Variants in COBLL1 observed in about 807,000 individuals in gnomAD.
COBLL1 encodes the protein cordon-bleu protein-like 1.
Under a neutral mutation model 94.8 loss-of-function variants are expected in COBLL1, and 50 were observed. The observed-to-expected ratio is 0.53, with a 90% confidence interval of 0.42 to 0.67. COBLL1 has a LOEUF of 0.67. Among genes scored for constraint, COBLL1 ranks in the 30% least tolerant of loss-of-function variants. The probability of loss-of-function intolerance (pLI) is 0.00; values close to 1 mark genes in which losing one functional copy is unlikely to be tolerated. For synonymous variants in COBLL1, 448 were observed against 473.8 expected, an observed-to-expected ratio of 0.95 and a Z score of 0.71; for missense variants, 1,362 against 1,348.7, an observed-to-expected ratio of 1.01 and a Z score of -0.15.
chr2:164,794,654 A>AGT (rs1026997490), intron 2 of COBLL1, among the ~76,000 whole-genome samples: 1 of 152,158 alleles, frequency 6.6e-6, no homozygotes, highest in Non-Finnish European at 1.5e-5. Flanking sequence ...TGAACAAGGC[A>AGT]GTGACAGGGA....
chr2:164,717,629 T>C (rs187094143), intron 7 of COBLL1, among the ~76,000 whole-genome samples: 37 of 152,280 alleles, frequency 2.4e-4, no homozygotes, highest in African/African-American at 8.9e-4. Flanking sequence ...TCACAGCTCA[T>C]TGCAGCTTTG....
chr2:164,732,790 T>C (rs548986656), intron 3 of COBLL1, among the ~76,000 whole-genome samples: 1 of 152,338 alleles, frequency 6.6e-6, no homozygotes, highest in South Asian at 2.1e-4. Flanking sequence ...GTGCGGTGGC[T>C]CACGCCTGTA....
At chr2:164,835,945 G>A (rs1186013626) in intron 2 of COBLL1, among the ~76,000 whole-genome samples, 1 of 152,010 alleles carries the variant, frequency 6.6e-6, no homozygotes, top group African/African-American at 2.4e-5. Context: ...AGGAGTTTTT[G>A]ACTGATTAAT....
intron 2 of COBLL1, among the ~76,000 whole-genome samples, chr2:164,757,800 A>T (rs937941198): frequency 8.6e-5 from 13 of 151,848 alleles, no homozygotes; most frequent in Admixed American, 6.6e-4. Flanking sequence ...TGACAGTGAG[A>T]CTCTGTCTCA....
chr2:164,835,162 TAAC>T (rs1195291364), intron 2 of COBLL1, among the ~76,000 whole-genome samples: 1 of 152,180 alleles, frequency 6.6e-6, no homozygotes, highest in Non-Finnish European at 1.5e-5. Flanking sequence ...TTTCTATTTC[TAAC>T]AACACACCCA....
intron 2 of COBLL1, among the ~76,000 whole-genome samples, chr2:164,746,477 A>G (rs1686863725): frequency 6.6e-6 from 1 of 152,096 alleles, no homozygotes; most frequent in Non-Finnish European, 1.5e-5. Context: ...AAAGATCTGG[A>G]GTGCTATACA....
intron 2 of COBLL1, among the ~76,000 whole-genome samples, chr2:164,759,768 C>T (rs777387408): frequency 5.9e-5 from 9 of 152,108 alleles, no homozygotes; most frequent in African/African-American, 1.7e-4. Context: ...TCGTTACCAA[C>T]GAGGGTACAC....
At chr2:164,690,517 C>T (rs1369946511) in intron 13 of COBLL1, among the ~76,000 whole-genome samples, 1 of 152,178 alleles carries the variant, frequency 6.6e-6, no homozygotes. Context: ...GTCCATAACA[C>T]ACCAAGTATA....
chr2:164,722,438 T>C lies in COBLL1; in HGVS notation c.746A>G (p.Lys249Arg). Reference sequence around the variant, plus strand: ...GAAAATACTTACTTGGTCTCGCTTTTTCTTACTGCGTTGAAAAAAACTGAA... The same window carrying C: ...GAAAATACTTACTTGGTCTCGCTTTCTCTTACTGCGTTGAAAAAAACTGAA... ...GFFSFFQRSK[K>R]KRDQTASAPA... Residue 249 changes from lysine to arginine, a missense_variant, in exon 6 of 14, where the codon AAA becomes AGA. By Grantham distance (26) the Lys-to-Arg change is conservative (BLOSUM62 2). Coordinates refer to ENST00000652658, the MANE Select transcript of COBLL1 (RefSeq NM_001365672.2). The C allele has an allele frequency of 6.6e-7, 1 of 1,525,864 alleles. No homozygotes were observed. Among genetic ancestry groups the C allele is most frequent in the South Asian group, 1.3e-5 (1 of 76,210 alleles). The allele number at this position is 1,525,864 out of a possible 1,614,324, so 94.5% of individuals were successfully genotyped here.
At chr2:164,690,207 C>G (rs1412755667) in intron 13 of COBLL1, among the ~76,000 whole-genome samples, 1 of 151,902 alleles carries the variant, frequency 6.6e-6, no homozygotes, top group Non-Finnish European at 1.5e-5. Context: ...GAAAAATGCT[C>G]GTCATGAAGT....
intron 2 of COBLL1, among the ~76,000 whole-genome samples, chr2:164,828,904 C>T (rs925968078): frequency 8.5e-5 from 13 of 152,218 alleles, no homozygotes; most frequent in Middle Eastern, 3.4e-3. Flanking sequence ...TTCCATTGGA[C>T]GGTGCTAGTT....
At chr2:164,822,610 T>C (rs1310098290) in intron 2 of COBLL1, among the ~76,000 whole-genome samples, 1 of 152,130 alleles carries the variant, frequency 6.6e-6, no homozygotes, top group Non-Finnish European at 1.5e-5. Flanking sequence ...GAGAAGTTGA[T>C]GTTAACTTCC....
At chr2:164,672,050 C>T (rs904288589) in intron 1 of COBLL1, among the ~76,000 whole-genome samples, 3 of 152,238 alleles carry the variant, frequency 2.0e-5, no homozygotes, top group Middle Eastern at 3.4e-3. Context: ...TAGAGGTGTA[C>T]GCTGGTATAT....
chr2:164,796,407 C>G (rs1243062192), intron 2 of COBLL1, among the ~76,000 whole-genome samples: 1 of 152,052 alleles, frequency 6.6e-6, no homozygotes, highest in Non-Finnish European at 1.5e-5. Context: ...AGAGAAAAAT[C>G]AGTTCACAAA....
chr2:164,703,279 G>C, intron 9 of COBLL1: 2 of 1,064,742 alleles, frequency 1.9e-6, no homozygotes, highest in South Asian at 2.8e-5. Flanking sequence ...AAGGCAAGCA[G>C]AGACCAAGAA....
chr2:164,677,584 A>G (rs1261699097), downstream of COBLL1, among the ~76,000 whole-genome samples: 1 of 152,198 alleles, frequency 6.6e-6, no homozygotes, highest in Non-Finnish European at 1.5e-5. Context: ...AGATTACTCA[A>G]CAGAGCTCTA....
rs1308677490 is a variant in COBLL1, at chr2:164,694,690, T to C, written c.2702A>G (p.Asn901Ser). The change falls in exon 12 of 14, where the codon AAT becomes AGT. Residue 901 changes from asparagine (N) to serine (S), a missense_variant. Physicochemically the swap from Asn to Ser is conservative, Grantham distance 46. Coordinates refer to ENST00000652658, the MANE Select transcript of COBLL1 (RefSeq NM_001365672.2). ...APNPAPKELT[N>S]KEAERDMLPS... ...CAGCATATCCCTTTCTGCCTCTTTA[T>C]TTGTCAGTTCTTTTGGAGCAGGATT... is the stretch of plus-strand genomic sequence containing the variant. 6.2e-7 allele frequency: 1 copy of C among 1,613,860 alleles called. No homozygotes were observed. Among genetic ancestry groups the C allele is most frequent in the Admixed American group, 1.7e-5 (1 of 59,946 alleles).
At chr2:164,704,398 A>G (rs960401059) in intron 9 of COBLL1, 46 bp downstream of exon 9, 2 of 1,213,962 alleles carry the variant, frequency 1.6e-6, no homozygotes, top group Non-Finnish European at 2.4e-6. Context: ...ATTATCATGG[A>G]CGTCCTTTTT....
intron 2 of COBLL1, among the ~76,000 whole-genome samples, chr2:164,830,242 T>C (rs918364311): frequency 1.3e-5 from 2 of 152,202 alleles, no homozygotes; most frequent in Non-Finnish European, 2.9e-5. Flanking sequence ...CAAATATCCA[T>C]GGGATGCCAG....
Sources: allele counts gnomAD v4.1 joint callset (sites outside exome capture counted in the v4.1 genomes callset), GRCh38; gene constraint gnomAD v4.1.1; transcripts MANE v1.5; gene names NCBI Gene and HGNC (gene_info 2026-07-23, HGNC 2026-07-21).